The following DDX56 variants were observed in gnomAD, a reference collection of about 807,000 sequenced individuals.
DDX56 encodes DEAD-box helicase 56, also known as probable ATP-dependent RNA helicase DDX56.
A neutral mutation model predicts 61.5 loss-of-function variants in DDX56; 45 were observed. The ratio of observed to expected loss-of-function variants is 0.73; its 90% CI spans 0.58 to 0.94. The LOEUF (loss-of-function observed/expected upper bound fraction) is 0.94, where lower values mean the gene tolerates loss of function less well. Among genes scored for constraint, DDX56 ranks in the 40% least tolerant of loss-of-function variants. The probability of loss-of-function intolerance (pLI) is 0.00; values close to 1 mark genes in which losing one functional copy is unlikely to be tolerated. For missense variants in DDX56, 708 were observed against 690.7 expected (o/e 1.02, Z -0.28); for synonymous variants, 273 against 268.3 (o/e 1.02, Z -0.17).
Position 44,573,512 on chromosome 7 carries a change from C to T in DDX56, c.222+71G>A, listed in dbSNP as rs535024812. On this transcript the variant is annotated intron_variant, in intron 2 of 13. Transcript: ENST00000258772. ...TACAGGGCCAAGAGAAAACCTCAGA[C>T]AAACGGGAACCGCCCTTCCCAGGCT... The T allele has an allele frequency of 7.0e-6, 11 of 1,570,166 alleles. No homozygotes were observed. The Admixed American group carries it at 1.7e-4, about 25-fold the overall frequency.
In DDX56 at chr7:44,569,116, C is replaced by T; in HGVS notation, c.1293+14G>A. 6.2e-7 allele frequency: 1 copy of T among 1,614,082 alleles called. No individual in the cohort carries two copies. Among genetic ancestry groups the T allele is most frequent in the Non-Finnish European group, 8.5e-7 (1 of 1,179,972 alleles). On this transcript the variant is annotated intron_variant, in intron 10 of 13. Transcript: ENST00000258772. Reference sequence around the variant, plus strand: ...CCCTCCCCTCTCATTCCCCTCCCCACCACAGCAGCTCACCCTGCAGCGATA... The same window carrying T: ...CCCTCCCCTCTCATTCCCCTCCCCATCACAGCAGCTCACCCTGCAGCGATA...
At chr7:44,569,461 A>G (rs1585171049) in intron 9 of DDX56, among the ~76,000 whole-genome samples, 1 of 152,034 alleles carries the variant, frequency 6.6e-6, no homozygotes, top group African/African-American at 2.4e-5. Flanking sequence ...CCCAAGGAGT[A>G]CCCCATGGTA....
At chr7:44,570,202 A>G (rs1802637864) in intron 7 of DDX56, 74 bp from the exon 8 acceptor site, 4 of 1,552,730 alleles carry the variant, frequency 2.6e-6, no homozygotes, top group Non-Finnish European at 3.5e-6. Flanking sequence ...AATCAGCAAA[A>G]CTTCCTCTAA....
intron 12 of DDX56, 21 bp downstream of exon 12, chr7:44,568,097 G>A (rs1562583136): frequency 6.3e-7 from 1 of 1,585,744 alleles, no homozygotes; most frequent in Non-Finnish European, 8.7e-7. Flanking sequence ...GCTGCCTCCT[G>A]CCCTGTCAGG....
chr7:44,566,641 A>C, intron 12 of DDX56, 117 bp from the exon 13 acceptor site: 1 of 717,634 alleles, frequency 1.4e-6, no homozygotes, highest in Admixed American at 2.8e-5. Context: ...TATGACATAC[A>C]TCTATTCACT....
chr7:44,570,266 C>G lies in DDX56; in HGVS notation c.1011-138G>C. The G allele has an allele frequency of 2.6e-6, 3 of 1,161,446 alleles. No homozygotes were observed. The South Asian group carries it at 4.6e-5, about 18-fold the overall frequency. 71.9% of individuals were successfully genotyped at this position (1,161,446 alleles called of 1,614,324 possible). A position where few individuals can be genotyped will look rare whatever the true frequency, so the allele number is the denominator to read the frequency against. ...ACAGAGGACTCTCCAACAATGGAAC[C>G]GTTCCAGGAGTCAGGGTTTCCTGGG... On this transcript the variant is annotated intron_variant, in intron 7 of 13. Coordinates refer to ENST00000258772, the MANE Select transcript of DDX56 (RefSeq NM_019082.4).
Position 44,572,942 on chromosome 7 carries a change from G to T in DDX56, c.331C>A (p.Arg111=). The T allele has an allele frequency of 6.2e-7, 1 of 1,611,866 alleles. No homozygotes were observed. The highest frequency in any genetic ancestry group is 2.2e-5 in the East Asian group (1 of 44,870). ...MIQQLATYCA[R]DVRVANVSAA... ...GAGACATTGGCCACTCGGACATCCC[G>T]AGCACAGTAGGTAGCCAGCTGCTGA... The change falls in exon 3 of 14, where the codon CGG becomes AGG. Residue 111 remains arginine, a synonymous_variant. Coordinates refer to ENST00000258772, the MANE Select transcript of DDX56 (RefSeq NM_019082.4).
At position 44,567,182 on chromosome 7, in the gene DDX56, C is replaced by T. The variant is rs185981118; in HGVS notation, c.1490-658G>A. Reference sequence around the variant, plus strand: ...CTCACTGTCCCATGGGAACCCGGCCCCCACCGCTCTCTCTGGCATTTTCAT... The same window carrying T: ...CTCACTGTCCCATGGGAACCCGGCCTCCACCGCTCTCTCTGGCATTTTCAT... On this transcript the variant is annotated intron_variant, in intron 12 of 13. Coordinates refer to ENST00000258772, the MANE Select transcript of DDX56 (RefSeq NM_019082.4). Among the ~76,000 whole-genome samples the T allele has an allele frequency of 1.7e-3, 264 of 152,064 alleles. 1 individual carries two copies. Among genetic ancestry groups the T allele is most frequent in the Non-Finnish European group, 3.1e-3 (208 of 67,980 alleles).
intron 6 of DDX56, 135 bp downstream of exon 6, chr7:44,571,357 G>A (rs1269214974): frequency 2.7e-5 from 28 of 1,029,118 alleles, no homozygotes; most frequent in Non-Finnish European, 3.7e-5. Context: ...AGGTATTTTG[G>A]AGTTGGGAGA....
intron 8 of DDX56, 54 bp from the exon 9 acceptor site, chr7:44,569,957 A>G (rs1393177950): frequency 1.9e-6 from 3 of 1,612,794 alleles, no homozygotes; most frequent in Non-Finnish European, 2.5e-6. Context: ...TCTGTCCAGC[A>G]CACCCCAAGT....
intron 12 of DDX56, 133 bp from the exon 13 acceptor site, chr7:44,566,657 A>G: frequency 1.6e-6 from 1 of 612,542 alleles, no homozygotes. Flanking sequence ...TCACTACCAC[A>G]TCTGCACAGG....
chr7:44,572,252 C>T, intron 5 of DDX56, 95 bp downstream of exon 5: 2 of 1,052,254 alleles, frequency 1.9e-6, no homozygotes, highest in Non-Finnish European at 2.9e-6. Flanking sequence ...ACAACTGTCC[C>T]ACCCAAAACA....
chr7:44,569,928 G>C, intron 8 of DDX56, 25 bp from the exon 9 acceptor site: 1 of 1,611,252 alleles, frequency 6.2e-7, no homozygotes. Context: ...AGTGCAGCTT[G>C]CATCTCCAAC....
At position 44,569,130 on chromosome 7, in the gene DDX56, C is replaced by T. The variant is rs766212961; in HGVS notation, c.1293G>A (p.Arg431=). 20 of 1,613,884 alleles carry T rather than the reference C, an allele frequency of 1.2e-5. No homozygotes were observed. Among genetic ancestry groups the T allele is most frequent in the Non-Finnish European group, 1.7e-5 (20 of 1,179,764 alleles). Reference sequence around the variant, plus strand: ...TCCCCTCCCCACCACAGCAGCTCACCCTGCAGCGATAGCGGAAGCCCTCGA... The same window carrying T: ...TCCCCTCCCCACCACAGCAGCTCACTCTGCAGCGATAGCGGAAGCCCTCGA... ...EEIEGFRYRC[R]DAMRSVTKQA... Residue 431 remains arginine (R), a splice_region_variant and synonymous_variant, in exon 10 of 14, where the codon AGG becomes AGA. Transcript: ENST00000258772.
chr7:44,568,123 T>C lies in DDX56; in HGVS notation c.1484A>G (p.Tyr495Cys). ...VKPHLGHVPDYLVPPALRGLV... is the reference protein window; with the variant it reads ...VKPHLGHVPDCLVPPALRGLV... The stretch of plus-strand genomic sequence containing the variant: ...CCCTGTCAGGCCACACTCACCCAGG[T>C]AGTCAGGAACATGGCCCAGGTGGGG... Residue 495 changes from tyrosine (Y) to cysteine (C), a missense_variant, in exon 12 of 14, where the codon TAC becomes TGC. Tyr to Cys is a radical substitution (Grantham distance 194). Transcript: ENST00000258772. 6.2e-7 allele frequency: 1 copy of C among 1,613,316 alleles called. No homozygotes were observed. Among genetic ancestry groups the C allele is most frequent in the Non-Finnish European group, 8.5e-7 (1 of 1,179,288 alleles).
chr7:44,567,065 A>G (rs1802558644), intron 12 of DDX56, among the ~76,000 whole-genome samples: 1 of 152,108 alleles, frequency 6.6e-6, no homozygotes, highest in Non-Finnish European at 1.5e-5. Flanking sequence ...TCCTGAGGCC[A>G]AAGTTCTAGC....
chr7:44,570,194 T>C (rs1802637632), intron 7 of DDX56, 66 bp from the exon 8 acceptor site: 1 of 1,572,208 alleles, frequency 6.4e-7, no homozygotes, highest in African/African-American at 1.3e-5. Context: ...ACACGCTGAA[T>C]CAGCAAAACT....
intron 10 of DDX56, 31 bp from the exon 11 acceptor site, chr7:44,569,023 G>A (rs1222727663): frequency 6.2e-7 from 1 of 1,612,928 alleles, no homozygotes; most frequent in Non-Finnish European, 8.5e-7. Context: ...TCAAGACAGT[G>A]AGGCTGCCCC....
chr7:44,569,411 C>T (rs910925001), intron 9 of DDX56, among the ~76,000 whole-genome samples: 1 of 152,166 alleles, frequency 6.6e-6, no homozygotes, highest in Non-Finnish European at 1.5e-5. Flanking sequence ...GCCTGTGTGG[C>T]CCCAAGCCCA....
Sources: allele counts gnomAD v4.1 joint callset (sites outside exome capture counted in the v4.1 genomes callset), GRCh38; gene constraint gnomAD v4.1.1; transcripts MANE v1.5; gene names NCBI Gene and HGNC (gene_info 2026-07-23, HGNC 2026-07-21).